MYSM1: variants seen among roughly 807,000 people sequenced by gnomAD.
MYSM1 encodes the protein deubiquitinase MYSM1.
In MYSM1, 51 loss-of-function variants were observed where a neutral mutation model predicts 116.0. The observed-to-expected ratio is 0.44, with a 90% CI of 0.35 to 0.56. MYSM1 has a LOEUF of 0.56. Among genes scored for constraint, MYSM1 ranks in the 20% least tolerant of loss-of-function variants. The pLI is 0.00. For synonymous variants in MYSM1, 313 were observed against 315.2 expected (o/e 0.99, Z 0.07); for missense variants, 900 against 974.9 (o/e 0.92, Z 1.02).
Position 58,675,521 on chromosome 1 carries a change from C to T in MYSM1, c.1450G>A (p.Asp484Asn), listed in dbSNP as rs1644637152. The T allele has an allele frequency of 6.2e-7, 1 of 1,613,396 alleles. No homozygotes were observed. The highest frequency in any genetic ancestry group is 1.7e-5 in the Admixed American group (1 of 59,958). Reference sequence around the variant, plus strand: ...GCAAGTTGGTATGCTTCTACTGCATCTTTTCTGTCTCTGATTCGTACTTTG... The same window carrying T: ...GCAAGTTGGTATGCTTCTACTGCATTTTTTCTGTCTCTGATTCGTACTTTG... ...VDKVRIRDRK[D>N]AVEAYQLAQR... is the part of the protein sequence containing the mutation. Residue 484 changes from aspartate to asparagine, a missense_variant, in exon 10 of 20, where the codon GAT becomes AAT. By Grantham distance (23) the Asp-to-Asn change is conservative (BLOSUM62 1). This residue lies in a region of MYSM1 where 622 missense variants were observed against 623.7 expected (regional missense o/e 1.00). Coordinates refer to ENST00000472487, the MANE Select transcript of MYSM1 (RefSeq NM_001085487.3).
In MYSM1 at chr1:58,681,881, T is replaced by G. The variant is rs1339766658; in HGVS notation, c.1163A>C (p.Glu388Ala). The G allele has an allele frequency of 6.2e-6, 10 of 1,613,914 alleles. No homozygotes were observed. The highest frequency in any genetic ancestry group is 8.5e-6 in the Non-Finnish European group (10 of 1,179,972). ...CTCAGGAATTGCTTGTTTTTCTTCTTCTTGAATGATATTTCTATCTATTTC... is the reference window on the plus strand; with the variant it reads ...CTCAGGAATTGCTTGTTTTTCTTCTGCTTGAATGATATTTCTATCTATTTC... ...EIEIDRNIIQ[E>A]EEKQAIPEFF... The change falls in exon 8 of 20, where the codon GAA becomes GCA. Residue 388 changes from glutamate (E) to alanine (A), a missense_variant. Coordinates refer to ENST00000472487, the MANE Select transcript of MYSM1 (RefSeq NM_001085487.3).
Position 58,668,625 on chromosome 1 carries a change from T to G in MYSM1, c.1767+7A>C, listed in dbSNP as rs753634286. 6.2e-7 allele frequency: 1 copy of G among 1,600,616 alleles called. No homozygotes were observed. Among genetic ancestry groups the G allele is most frequent in the Non-Finnish European group, 8.5e-7 (1 of 1,172,936 alleles). On this transcript the variant is annotated splice_region_variant and intron_variant, in intron 14 of 19. Coordinates refer to ENST00000472487, the MANE Select transcript of MYSM1 (RefSeq NM_001085487.3). The stretch of plus-strand genomic sequence containing the variant: ...ATAACTAAGTAAACACAATAGATTA[T>G]CCTTACCAAATCCATTATTAAAAGT...
At chr1:58,691,258 C>T (rs1470035641) in intron 3 of MYSM1, among the ~76,000 whole-genome samples, 6 of 149,188 alleles carry the variant, frequency 4.0e-5, no homozygotes, top group Middle Eastern at 3.5e-3. Flanking sequence ...CCAGCCTGGG[C>T]GACAGAGCGA....
intron 8 of MYSM1, among the ~76,000 whole-genome samples, chr1:58,679,012 C>T (rs1335428072): frequency 6.6e-6 from 1 of 152,130 alleles, no homozygotes; most frequent in Admixed American, 6.5e-5. Flanking sequence ...GATTTAAGTA[C>T]AGTACATGGT....
In MYSM1 at chr1:58,657,875, G is replaced by C. The variant is rs1044229480; in HGVS notation, c.*2122C>G. The C allele has an allele frequency of 6.6e-6, 1 of 152,164 alleles. No homozygotes were observed. Among genetic ancestry groups the C allele is most frequent in the Non-Finnish European group, 1.5e-5 (1 of 68,052 alleles). 9.4% of individuals were successfully genotyped at this position (152,164 alleles called of 1,614,324 possible). The stretch of plus-strand genomic sequence containing the variant: ...GGTTAAACATTGGCACACAGGGCAA[G>C]GAGACTCAGATTTGAGAGCAGAACT... On this transcript the variant is annotated 3_prime_UTR_variant, in exon 20 of 20. Transcript: ENST00000472487.
chr1:58,678,236 G>A (rs1304840780), intron 8 of MYSM1, among the ~76,000 whole-genome samples: 1 of 152,168 alleles, frequency 6.6e-6, no homozygotes, highest in Non-Finnish European at 1.5e-5. Flanking sequence ...AATTTGTGAT[G>A]TGGGAGGGTA....
chr1:58,668,921 C>CAT, intron 13 of MYSM1, 63 bp downstream of exon 13: 2 of 1,190,582 alleles, frequency 1.7e-6, no homozygotes, highest in Non-Finnish European at 2.3e-6. Context: ...AAAGAGTAAG[C>CAT]ATTTCCTGTT....
intron 6 of MYSM1, among the ~76,000 whole-genome samples, chr1:58,688,334 T>C: frequency 6.6e-6 from 1 of 151,718 alleles, no homozygotes; most frequent in South Asian, 2.1e-4. Flanking sequence ...TGTATAAATA[T>C]ACATAATTTC....
intron 8 of MYSM1, among the ~76,000 whole-genome samples, chr1:58,681,153 G>C (rs575751386): frequency 2.0e-5 from 3 of 152,264 alleles, no homozygotes; most frequent in African/African-American, 7.2e-5. Flanking sequence ...GTTTAATGAT[G>C]GTTTAATTAA....
chr1:58,658,305 G>T lies in MYSM1; in HGVS notation c.*1692C>A, dbSNP rs544311637. On this transcript the variant is annotated 3_prime_UTR_variant, in exon 20 of 20. Coordinates refer to ENST00000472487, the MANE Select transcript of MYSM1 (RefSeq NM_001085487.3). ...CTATACTTCACTGTTTATCCTAAGT[G>T]CACACAGAGAAATGGAAAAATACTA... is the stretch of plus-strand genomic sequence containing the variant. The T allele has an allele frequency of 5.3e-5, 8 of 151,984 alleles. No homozygotes were observed. Among genetic ancestry groups the T allele is most frequent in the African/African-American group, 1.9e-4 (8 of 41,456 alleles). 9.4% of individuals were successfully genotyped at this position (151,984 alleles called of 1,614,324 possible).
chr1:58,665,488 TGAAAAC>T lies in MYSM1; in HGVS notation c.2164+5_2164+10del. 6.4e-7 allele frequency: 1 copy of T among 1,573,958 alleles called. No individual in the cohort carries two copies. Among genetic ancestry groups the T allele is most frequent in the South Asian group, 1.2e-5 (1 of 84,706 alleles). On this transcript the variant is annotated splice_donor_5th_base_variant and intron_variant, in intron 17 of 19. Coordinates refer to ENST00000472487, the MANE Select transcript of MYSM1 (RefSeq NM_001085487.3). Reference sequence around the variant, plus strand: ...AGAAAGAGGATAAAGTTATTTTTGTTGAAAACTTACGATAAGAGCCATCTGGGCTAA... The same window carrying T: ...AGAAAGAGGATAAAGTTATTTTTGTTTTACGATAAGAGCCATCTGGGCTAA...
rs1469501035 is a variant in MYSM1, at chr1:58,669,856, A to AC, written c.1662-819_1662-818insG. ...GTCTCCAAAAAAAAAAAAAAAAAAA[A>AC]AAAAAACAAAAAAGTGAAAAAGTAA... On this transcript the variant is annotated intron_variant, in intron 12 of 19. Coordinates refer to ENST00000472487, the MANE Select transcript of MYSM1 (RefSeq NM_001085487.3). 2.5e-4 allele frequency among the ~76,000 whole-genome samples: 38 copies of AC among 149,674 alleles called. 2 individuals carry two copies. Among genetic ancestry groups the AC allele is most frequent in the African/African-American group, 8.5e-4 (35 of 40,936 alleles).
intron 8 of MYSM1, among the ~76,000 whole-genome samples, chr1:58,678,802 A>T (rs1644693759): frequency 6.6e-6 from 1 of 152,206 alleles, no homozygotes; most frequent in South Asian, 2.1e-4. Flanking sequence ...ACACTTGACA[A>T]AATATGGGGG....
At chr1:58,694,495 C>T (rs766781209) in intron 2 of MYSM1, among the ~76,000 whole-genome samples, 1 of 152,102 alleles carries the variant, frequency 6.6e-6, no homozygotes, top group Admixed American at 6.5e-5. Context: ...GTGGCACACG[C>T]CTGTAGTCCC....
At position 58,682,468 on chromosome 1, in the gene MYSM1, C is replaced by T; in HGVS notation, c.576G>A (p.Gly192=). 6.2e-7 allele frequency: 1 copy of T among 1,613,986 alleles called. No homozygotes were observed. Among genetic ancestry groups the T allele is most frequent in the Non-Finnish European group, 8.5e-7 (1 of 1,179,988 alleles). The change falls in exon 8 of 20, where the codon GGG becomes GGA. Residue 192 remains glycine, a synonymous_variant. Coordinates refer to ENST00000472487, the MANE Select transcript of MYSM1 (RefSeq NM_001085487.3). ...HNLQVKNEDK[G]TKAWTPSCLR... ...AACATGATGGTGTCCATGCCTTTGTCCCTTTATCTTCATTTTTAACTTGAA... is the reference window on the plus strand; with the variant it reads ...AACATGATGGTGTCCATGCCTTTGTTCCTTTATCTTCATTTTTAACTTGAA...
chr1:58,666,897 T>A (rs11588147), intron 16 of MYSM1, 141 bp downstream of exon 16: 86,208 of 386,488 alleles, frequency 0.22, 11,414 homozygotes, highest in African/African-American at 0.4. Context: ...ATAATAAAAA[T>A]AAATAAAAAT....
intron 12 of MYSM1, among the ~76,000 whole-genome samples, chr1:58,671,607 G>C (rs1232121368): frequency 6.6e-6 from 1 of 152,106 alleles, no homozygotes; most frequent in Non-Finnish European, 1.5e-5. Flanking sequence ...ATAGCGTCTA[G>C]AGTTGAATGA....
At chr1:58,698,989 C>G (rs570274936) in intron 1 of MYSM1, among the ~76,000 whole-genome samples, 1 of 152,254 alleles carries the variant, frequency 6.6e-6, no homozygotes, top group South Asian at 2.1e-4. Flanking sequence ...CTTTATAGAA[C>G]AAAAATGGTC....
At chr1:58,666,265 A>G (rs1644467966) in intron 16 of MYSM1, among the ~76,000 whole-genome samples, 1 of 152,222 alleles carries the variant, frequency 6.6e-6, no homozygotes, top group Non-Finnish European at 1.5e-5. Context: ...TTATCAATAC[A>G]GTAATAATTT....
Sources: gnomAD v4.1 joint callset for allele counts (sites outside exome capture counted in the v4.1 genomes callset) on GRCh38, gnomAD v4.1.1 for gene constraint, gnomAD v4.1.1 regional missense constraint, MANE v1.5 for transcripts, NCBI Gene and HGNC (gene_info 2026-07-23, HGNC 2026-07-21) for gene names.